The following CHL1 variants were observed in gnomAD, a reference collection of about 807,000 sequenced individuals.
CHL1 encodes the protein cell adhesion molecule L1 like, also known as neural cell adhesion molecule L1-like protein.
Under a neutral mutation model 141.9 loss-of-function variants are expected in CHL1, and 96 were observed. The observed-to-expected ratio is 0.68, with a 90% confidence interval of 0.57 to 0.80. The LOEUF is 0.80. Ranked by LOEUF, CHL1 falls within the 30% of genes least tolerant of loss-of-function variation. The pLI is 0.00. For missense variants in CHL1, 1,820 were observed against 1,457.2 expected, an observed-to-expected ratio of 1.25 and a Z score of -4.05; for synonymous variants, 613 against 502.2, an observed-to-expected ratio of 1.22 and a Z score of -2.95.
At chr3:345,657 G>T (rs1436090815) in intron 9 of CHL1, among the ~76,000 whole-genome samples, 1 of 151,788 alleles carries the variant, frequency 6.6e-6, no homozygotes, top group East Asian at 1.9e-4. Context: ...CCAGTTTTTT[G>T]TATTTTTAGT....
rs1365839380 is a variant in CHL1, at chr3:345,631, G to C, written c.848+922G>C. Among the ~76,000 whole-genome samples the C allele has an allele frequency of 5.3e-5, 8 of 151,942 alleles. No individual in the cohort carries two copies. The East Asian group carries it at 9.7e-4, about 18-fold the overall frequency. ...CCTGAGTAGCTGAAGCTACAGGTGTGTGCCACCACACCTGGCCAGTTTTTT... is the reference window on the plus strand; with the variant it reads ...CCTGAGTAGCTGAAGCTACAGGTGTCTGCCACCACACCTGGCCAGTTTTTT... On this transcript the variant is annotated intron_variant, in intron 9 of 27. Coordinates refer to ENST00000256509, the MANE Select transcript of CHL1 (RefSeq NM_006614.4).
intron 1 of CHL1, among the ~76,000 whole-genome samples, chr3:201,334 T>TA (rs1456782074): frequency 3.9e-5 from 6 of 152,380 alleles, no homozygotes; most frequent in Middle Eastern, 3.4e-3. Context: ...TGATCCTGCT[T>TA]ACCTTCTCAT....
intron 1 of CHL1, among the ~76,000 whole-genome samples, chr3:221,105 G>T (rs1000313548): frequency 2.0e-5 from 3 of 152,110 alleles, no homozygotes; most frequent in Non-Finnish European, 4.4e-5. Flanking sequence ...CACCCACTTT[G>T]AGTTGTCTCA....
intron 4 of CHL1, among the ~76,000 whole-genome samples, chr3:326,393 A>T (rs1701017335): frequency 6.6e-6 from 1 of 152,018 alleles, no homozygotes; most frequent in South Asian, 2.1e-4. Flanking sequence ...TCTACTTAGT[A>T]AAATGTAGCA....
At chr3:295,001 T>C (rs1400846100) in intron 2 of CHL1, among the ~76,000 whole-genome samples, 1 of 152,234 alleles carries the variant, frequency 6.6e-6, no homozygotes, top group Non-Finnish European at 1.5e-5. Context: ...TAATAATTTG[T>C]AGAGAGATTA....
chr3:331,639 C>G (rs1428925221), intron 5 of CHL1, among the ~76,000 whole-genome samples: 1 of 151,960 alleles, frequency 6.6e-6, no homozygotes, highest in South Asian at 2.1e-4. Flanking sequence ...TATTGAAAGA[C>G]TCTAGGAAGA....
chr3:344,561 A>G, intron 8 of CHL1, 28 bp from the exon 9 acceptor site: 1 of 1,578,968 alleles, frequency 6.3e-7, no homozygotes, highest in Non-Finnish European at 8.6e-7. Context: ...ATTTGAAAAA[A>G]TTCTGACTTT....
chr3:385,046 A>C (rs1215760560), intron 19 of CHL1, among the ~76,000 whole-genome samples: 1 of 152,214 alleles, frequency 6.6e-6, no homozygotes, highest in Non-Finnish European at 1.5e-5. Flanking sequence ...TATATTCAAT[A>C]ATATTATTTC....
rs577549567 is a variant in CHL1, at chr3:398,383, G to A, written c.3251G>A (p.Arg1084Lys). Residue 1084 changes from arginine to lysine, a missense_variant and splice_region_variant, in exon 25 of 28, where the codon AGA becomes AAA. Physicochemically the swap from Arg to Lys is conservative, Grantham distance 26. Transcript: ENST00000256509. Reference protein sequence around the residue: ...IFQDVIETRGREYAGLYDDIS... With the variant: ...IFQDVIETRGKEYAGLYDDIS... Reference sequence around the variant, plus strand: ...CAAGATGTAATTGAGACAAGAGGGAGAGGTGAGAAATGAGATTATATTTGG... The same window carrying A: ...CAAGATGTAATTGAGACAAGAGGGAAAGGTGAGAAATGAGATTATATTTGG... 8.2e-5 allele frequency: 131 copies of A among 1,592,714 alleles called. 1 individual carries two copies. In the South Asian group the frequency reaches 1.4e-3, roughly 16 times the overall value.
chr3:297,733 T>C (rs1223570673), intron 2 of CHL1, among the ~76,000 whole-genome samples: 2 of 152,226 alleles, frequency 1.3e-5, no homozygotes, highest in Non-Finnish European at 2.9e-5. Flanking sequence ...CCCATGGAGA[T>C]GATCTGAGCT....
intron 2 of CHL1, among the ~76,000 whole-genome samples, chr3:305,938 A>C (rs1043183302): frequency 2.6e-5 from 4 of 152,200 alleles, no homozygotes; most frequent in African/African-American, 4.8e-5. Flanking sequence ...CAATATTGGA[A>C]TCAAAACACA....
chr3:285,496 C>G (rs1004795989), intron 2 of CHL1, among the ~76,000 whole-genome samples: 1 of 152,120 alleles, frequency 6.6e-6, no homozygotes, highest in African/African-American at 2.4e-5. Flanking sequence ...CATTTCAGTT[C>G]TTTCCCTAAT....
chr3:224,216 ATCCTT>A (rs1701121611), intron 1 of CHL1, among the ~76,000 whole-genome samples: 1 of 152,100 alleles, frequency 6.6e-6, no homozygotes, highest in Non-Finnish European at 1.5e-5. Context: ...GGCTATTTTT[ATCCTT>A]GTTTTAAAGT....
At chr3:385,689 G>A (rs147994625) in intron 19 of CHL1, 8,705 of 152,056 alleles carry the variant, frequency 0.057, 325 homozygotes, top group Non-Finnish European at 0.084. Flanking sequence ...TTAGCCAGGT[G>A]TGGTGGCACA....
chr3:312,206 C>A (rs982284093), intron 2 of CHL1, among the ~76,000 whole-genome samples: 22 of 152,208 alleles, frequency 1.4e-4, no homozygotes, highest in African/African-American at 5.3e-4. Context: ...GACATTTTCC[C>A]AATAAAATCA....
At chr3:304,825 G>A (rs1221834399) in intron 2 of CHL1, among the ~76,000 whole-genome samples, 2 of 143,764 alleles carry the variant, frequency 1.4e-5, no homozygotes, top group East Asian at 4.2e-4. Context: ...TCTTTTAATT[G>A]TGATGTTAGG....
chr3:232,300 T>G (rs928510058), intron 1 of CHL1, among the ~76,000 whole-genome samples: 1 of 152,194 alleles, frequency 6.6e-6, no homozygotes, highest in Non-Finnish European at 1.5e-5. Context: ...GAGCTCTTTG[T>G]ACTAAGTTAT....
intron 1 of CHL1, among the ~76,000 whole-genome samples, chr3:206,187 G>A (rs1294821369): frequency 1.3e-5 from 2 of 152,226 alleles, no homozygotes; most frequent in Admixed American, 1.3e-4. Flanking sequence ...TTTAAAACCT[G>A]CCAGAGGTGG....
Position 405,583 on chromosome 3 carries a change from T to C in CHL1, c.3547T>C (p.Tyr1183His). 1.2e-6 allele frequency: 2 copies of C among 1,613,528 alleles called. No homozygotes were observed. Among genetic ancestry groups the C allele is most frequent in the Non-Finnish European group, 1.7e-6 (2 of 1,179,560 alleles). Residue 1183 changes from tyrosine (Y) to histidine (H), a missense_variant, in exon 28 of 28, where the codon TAC becomes CAC. Transcript: ENST00000256509. ...PTESADSLVE[Y>H]GEGDHGLFSE... ...TGAAAGTGCTGACAGCTTAGTCGAA[T>C]ACGGAGAGGGAGACCATGGTCTCTT...
Sources: allele counts gnomAD v4.1 joint callset (sites outside exome capture counted in the v4.1 genomes callset), GRCh38; gene constraint gnomAD v4.1.1; transcripts MANE v1.5; gene names NCBI Gene and HGNC (gene_info 2026-07-23, HGNC 2026-07-21).